Variants in ELFN2 observed in about 807,000 individuals in gnomAD.
ELFN2 encodes the protein extracellular leucine rich repeat and fibronectin type III domain containing 2, also known as protein phosphatase 1 regulatory subunit 29.
ELFN2 carries 17 observed loss-of-function variants against 45.5 expected under a neutral mutation model. The observed-to-expected ratio is 0.37, with a 90% CI of 0.26 to 0.56. The LOEUF (loss-of-function observed/expected upper bound fraction) is 0.56. ELFN2 is among the 20% of genes least tolerant of loss of function. The pLI, the probability that ELFN2 is intolerant of heterozygous loss-of-function variation, is 0.77. For synonymous variants in ELFN2, 550 were observed against 551.5 expected (o/e 1.00, Z 0.04); for missense variants, 922 against 1,183.2 (o/e 0.78, Z 3.24).
intron 2 of ELFN2, among the ~76,000 whole-genome samples, chr22:37,413,282 A>G (rs1230397203): frequency 6.6e-6 from 1 of 152,106 alleles, no homozygotes; most frequent in Non-Finnish European, 1.5e-5. Context: ...AATGTTGCCT[A>G]TTCCAAAATC....
chr22:37,405,200 C>A (rs1406322930), intron 2 of ELFN2, among the ~76,000 whole-genome samples: 2 of 149,440 alleles, frequency 1.3e-5, no homozygotes, highest in African/African-American at 5.0e-5. Flanking sequence ...TCAAGCGATT[C>A]TTGTGCCTCA....
intron 2 of ELFN2, among the ~76,000 whole-genome samples, chr22:37,396,225 T>TC (rs1048049910): frequency 3.3e-5 from 5 of 152,128 alleles, no homozygotes; most frequent in Admixed American, 1.3e-4. Context: ...AGCCTCCAAT[T>TC]CCCCATCAAA....
chr22:37,422,925 A>T (rs1932819626), intron 1 of ELFN2, among the ~76,000 whole-genome samples: 1 of 111,424 alleles, frequency 9.0e-6, no homozygotes, highest in Admixed American at 1.3e-4. Context: ...CCCACTTCAT[A>T]TTGAGGAAAC....
chr22:37,376,490 T>A (rs552582876), intron 2 of ELFN2, among the ~76,000 whole-genome samples: 4 of 152,206 alleles, frequency 2.6e-5, no homozygotes, highest in Non-Finnish European at 5.9e-5. Context: ...CGGGCACCCC[T>A]GAATCCACAA....
At chr22:37,413,828 C>G (rs761423909) in intron 2 of ELFN2, among the ~76,000 whole-genome samples, 1 of 152,164 alleles carries the variant, frequency 6.6e-6, no homozygotes, top group African/African-American at 2.4e-5. Flanking sequence ...TGGCACAAGC[C>G]CCCCCTAAGA....
chr22:37,382,557 TTTTTTAA>T (rs1360103550), intron 2 of ELFN2, among the ~76,000 whole-genome samples: 3 of 59,538 alleles, frequency 5.0e-5, no homozygotes, highest in East Asian at 8.1e-4. Flanking sequence ...TTTTTTTTTT[TTTTTTAA>T]AAACAGACTC....
At chr22:37,404,822 A>G (rs1932454344) in intron 2 of ELFN2, among the ~76,000 whole-genome samples, 1 of 152,162 alleles carries the variant, frequency 6.6e-6, no homozygotes. Flanking sequence ...CTCACCAGCT[A>G]TGGGATCCTT....
Position 37,372,971 on chromosome 22 carries a change from C to A in ELFN2, c.*101G>T. 1 of 1,377,420 alleles carries A rather than the reference C, an allele frequency of 7.3e-7. No individual in the cohort carries two copies. The highest frequency in any genetic ancestry group is 9.7e-7 in the Non-Finnish European group (1 of 1,034,574). The allele number at this position is 1,377,420 out of a possible 1,614,324, so 85.3% of individuals were successfully genotyped here. On this transcript the variant is annotated 3_prime_UTR_variant, in exon 3 of 3. Coordinates refer to ENST00000402918, the MANE Select transcript of ELFN2 (RefSeq NM_052906.5). This position sits in a 1 kb window ranked among gnomAD's most constrained non-coding sequence, Gnocchi z 4.4. ...GTCTGCATGTGCGTCCTCTCCTGGG[C>A]CTTGGCCCCCGAGTCTGCTCCCCGC...
chr22:37,423,079 G>T (rs568262945), intron 1 of ELFN2, among the ~76,000 whole-genome samples: 1 of 152,010 alleles, frequency 6.6e-6, no homozygotes, highest in African/African-American at 2.4e-5. Context: ...CTGAGGCCAC[G>T]ATAGACTCGG....
At position 37,372,318 on chromosome 22, in the gene ELFN2, G is replaced by C. The variant is rs569542553; in HGVS notation, c.*754C>G. ...TTCTGAATCACAGCTGCACACTCTG[G>C]GGGCACTGCCATGTGGCTTTCTAGG... On this transcript the variant is annotated 3_prime_UTR_variant, in exon 3 of 3. Coordinates refer to ENST00000402918, the MANE Select transcript of ELFN2 (RefSeq NM_052906.5). This position sits in a 1 kb window ranked among gnomAD's most constrained non-coding sequence, Gnocchi z 4.4. The C allele has an allele frequency of 2.0e-5, 3 of 152,556 alleles. No homozygotes were observed. Among genetic ancestry groups the C allele is most frequent in the African/African-American group, 7.2e-5 (3 of 41,562 alleles). The allele number at this position is 152,556 out of a possible 1,614,324, so 9.5% of individuals were successfully genotyped here.
intron 2 of ELFN2, among the ~76,000 whole-genome samples, chr22:37,387,528 A>C (rs1325539999): frequency 6.6e-6 from 1 of 152,014 alleles, no homozygotes; most frequent in Non-Finnish European, 1.5e-5. Flanking sequence ...TTCTGCCTTC[A>C]GGTGAAAAGA....
At chr22:37,380,614 C>T (rs1931730939) in intron 2 of ELFN2, among the ~76,000 whole-genome samples, 1 of 152,318 alleles carries the variant, frequency 6.6e-6, no homozygotes, top group South Asian at 2.1e-4. Flanking sequence ...CTGGCACAGG[C>T]TCTTCCCTGA....
chr22:37,407,490 G>C (rs907902331), intron 2 of ELFN2, among the ~76,000 whole-genome samples: 8 of 152,188 alleles, frequency 5.3e-5, no homozygotes, highest in African/African-American at 1.9e-4. Flanking sequence ...CAAGAAACAA[G>C]TGCCTTGGCT....
intron 2 of ELFN2, among the ~76,000 whole-genome samples, chr22:37,394,147 C>T (rs1213190451): frequency 1.3e-5 from 2 of 152,174 alleles, no homozygotes; most frequent in African/African-American, 4.8e-5. Context: ...GTGCCTCAGT[C>T]TCATCATCCA....
chr22:37,363,689 G>A (rs1252101455), downstream of ELFN2, among the ~76,000 whole-genome samples: 2 of 152,184 alleles, frequency 1.3e-5, no homozygotes, highest in Admixed American at 1.3e-4. Flanking sequence ...ACTGGAGGTT[G>A]GGCCCTAGGA....
At chr22:37,418,078 T>C (rs980540843) in intron 1 of ELFN2, among the ~76,000 whole-genome samples, 159 bp from the exon 2 acceptor site, 1 of 151,112 alleles carries the variant, frequency 6.6e-6, no homozygotes, top group Non-Finnish European at 1.5e-5. Flanking sequence ...ATACCACAAA[T>C]GAATATCAGG....
intron 1 of ELFN2, among the ~76,000 whole-genome samples, chr22:37,419,215 C>T (rs981548207): frequency 1.6e-4 from 25 of 151,988 alleles, no homozygotes; most frequent in Non-Finnish European, 4.4e-5. Flanking sequence ...AGGCAGAGAA[C>T]TAGCAGGGCC....
At chr22:37,344,418 C>T (rs1038385676) in intron 1 of ELFN2, among the ~76,000 whole-genome samples, 6 of 151,846 alleles carry the variant, frequency 4.0e-5, no homozygotes, top group Non-Finnish European at 7.4e-5. Flanking sequence ...CCCCCAGCAT[C>T]GCCGGCTCTC....
chr22:37,423,308 G>A (rs555517229), intron 1 of ELFN2, among the ~76,000 whole-genome samples: 8 of 152,280 alleles, frequency 5.3e-5, no homozygotes, highest in South Asian at 4.1e-4. Flanking sequence ...AGCAAAGGGC[G>A]TCCGCCACCC....
Sources: gnomAD v4.1 joint callset for allele counts (sites outside exome capture counted in the v4.1 genomes callset) on GRCh38, gnomAD v4.1.1 for gene constraint, Gnocchi (gnomAD v3.1) non-coding constraint, MANE v1.5 for transcripts, NCBI Gene and HGNC (gene_info 2026-07-23, HGNC 2026-07-21) for gene names.